Variants in RASEF observed in about 807,000 individuals in gnomAD.
RASEF encodes ras and EF-hand domain-containing protein.
A neutral mutation model predicts 90.1 loss-of-function variants in RASEF; 68 were observed. The ratio of observed to expected loss-of-function variants is 0.75; its 90% confidence interval spans 0.62 to 0.92. The LOEUF is 0.92. Ranked by LOEUF, RASEF falls within the 40% of genes least tolerant of loss-of-function variation. The probability of loss-of-function intolerance (pLI) is 0.00; values close to 1 mark genes in which losing one functional copy is unlikely to be tolerated. For synonymous variants in RASEF, 331 were observed against 345.2 expected (o/e 0.96, Z 0.46); for missense variants, 949 against 937.2 (o/e 1.01, Z -0.16).
intron 1 of RASEF, chr9:83,048,412 T>TA (rs1271540516): frequency 2.0e-6 from 2 of 985,192 alleles, no homozygotes; most frequent in African/African-American, 3.5e-5. Flanking sequence ...CTACTTTATA[T>TA]CCTCACTGAT....
At chr9:83,156,391 G>A in the RASEF span, among the ~76,000 whole-genome samples, 1 of 152,186 alleles carries the variant, frequency 6.6e-6, no homozygotes, top group Non-Finnish European at 1.5e-5. Flanking sequence ...TGTAATTGGA[G>A]TTCCAGTTCC....
At chr9:83,192,813 G>C in the RASEF span, among the ~76,000 whole-genome samples, 6 of 151,436 alleles carry the variant, frequency 4.0e-5, no homozygotes, top group Admixed American at 3.9e-4. Flanking sequence ...TCACAAGCGA[G>C]GAAAGCTAAT....
At chr9:83,016,305 T>C (rs1395995266) in intron 3 of RASEF, among the ~76,000 whole-genome samples, 1 of 152,016 alleles carries the variant, frequency 6.6e-6, no homozygotes, top group African/African-American at 2.4e-5. Flanking sequence ...CCCTTTTCCC[T>C]AGAGATGATG....
In RASEF at chr9:83,041,939, C is replaced by T. The variant is rs115844098; in HGVS notation, c.432-16018G>A. 1.6e-3 allele frequency among the ~76,000 whole-genome samples: 247 copies of T among 152,288 alleles called. 2 individuals are homozygous for T. The highest frequency in any genetic ancestry group is 5.7e-3 in the African/African-American group (238 of 41,566). ...ATCTGCCAACAGAGGCTGACCTCAA[C>T]CCCCAAGAAAAGTCAAGAAAAGAAA... On this transcript the variant is annotated intron_variant, in intron 1 of 16. Coordinates refer to ENST00000376447, the MANE Select transcript of RASEF (RefSeq NM_152573.4).
At chr9:83,089,256 A>G in the RASEF span, among the ~76,000 whole-genome samples, 1 of 151,764 alleles carries the variant, frequency 6.6e-6, no homozygotes, top group African/African-American at 2.4e-5. Context: ...TTCCCTTGAC[A>G]TATATTAATA....
intron 1 of RASEF, among the ~76,000 whole-genome samples, chr9:83,045,269 T>C (rs972304936): frequency 3.3e-5 from 5 of 152,236 alleles, no homozygotes; most frequent in Non-Finnish European, 7.3e-5. Flanking sequence ...ATCACTGCAC[T>C]TTCATTGGGG....
chr9:82,979,755 T>C lies in RASEF; in HGVS notation c.*2922A>G, dbSNP rs570070861. ...GCCCACACAATGAAAATGTAAACCA[T>C]ATAAATCAAAATCATAAAACAATTA... On this transcript the variant is annotated 3_prime_UTR_variant, in exon 17 of 17. Transcript: ENST00000376447. 14 of 152,238 alleles carry C rather than the reference T, an allele frequency of 9.2e-5. No individual in the cohort carries two copies. The highest frequency in any genetic ancestry group is 2.9e-4 in the African/African-American group (12 of 41,532). The allele number at this position is 152,238 out of a possible 1,614,324, so 9.4% of individuals were successfully genotyped here.
At chr9:83,167,552 T>C in the RASEF span, among the ~76,000 whole-genome samples, 3 of 152,254 alleles carry the variant, frequency 2.0e-5, no homozygotes, top group East Asian at 5.8e-4. Flanking sequence ...ACTCACTCAT[T>C]AAATGCATAC....
At chr9:82,996,572 C>G (rs552417571) in intron 14 of RASEF, among the ~76,000 whole-genome samples, 4 of 152,210 alleles carry the variant, frequency 2.6e-5, no homozygotes, top group Non-Finnish European at 5.9e-5. Flanking sequence ...GAAGAGAGCT[C>G]CCATACAATT....
chr9:83,040,355 TA>T (rs1587515718), intron 1 of RASEF, among the ~76,000 whole-genome samples: 1 of 152,220 alleles, frequency 6.6e-6, no homozygotes, highest in East Asian at 1.9e-4. Flanking sequence ...GGGGCATTTT[TA>T]ACAAAATATT....
In RASEF at chr9:82,980,291, C is replaced by T. The variant is rs1186500202; in HGVS notation, c.*2386G>A. ...TGTGCTTTAAATTTGAGAACACCTT[C>T]ATGAAATCAAAACGTTGGTAATAAT... On this transcript the variant is annotated 3_prime_UTR_variant, in exon 17 of 17. Coordinates refer to ENST00000376447, the MANE Select transcript of RASEF (RefSeq NM_152573.4). The T allele has an allele frequency of 6.6e-6, 1 of 152,156 alleles. No homozygotes were observed. The highest frequency in any genetic ancestry group is 2.4e-5 in the African/African-American group (1 of 41,436). 9.4% of individuals were successfully genotyped at this position (152,156 alleles called of 1,614,324 possible).
intron 1 of RASEF, chr9:83,048,577 T>C: frequency 2.0e-6 from 2 of 984,838 alleles, no homozygotes; most frequent in Non-Finnish European, 2.4e-6. Flanking sequence ...AATGAATGAA[T>C]GAATGAATGA....
rs1554706839 is a variant in RASEF at position 83,008,917 on chromosome 9, T to TATATAC, written c.959+723_959+724insGTATAT. ...ATATATATATATATATATATATATA[T>TATATAC]ATATATATATATATATATGACGTGG... is the stretch of plus-strand genomic sequence containing the variant. On this transcript the variant is annotated intron_variant, in intron 6 of 16. Coordinates refer to ENST00000376447, the MANE Select transcript of RASEF (RefSeq NM_152573.4). 2.1e-3 allele frequency among the ~76,000 whole-genome samples: 264 copies of TATATAC among 127,466 alleles called. 5 individuals carry two copies. Among genetic ancestry groups the TATATAC allele is most frequent in the African/African-American group, 7.1e-3 (246 of 34,836 alleles). 83.6% of individuals were successfully genotyped at this position (127,466 alleles called of 152,430 possible).
chr9:83,112,687 CAA>C, the RASEF span, among the ~76,000 whole-genome samples: 4 of 115,304 alleles, frequency 3.5e-5, no homozygotes, highest in Non-Finnish European at 3.7e-5. Context: ...AACTCGGTCT[CAA>C]AAAAAAAAAA....
At chr9:83,098,519 C>T in the RASEF span, among the ~76,000 whole-genome samples, 1 of 152,110 alleles carries the variant, frequency 6.6e-6, no homozygotes, top group Non-Finnish European at 1.5e-5. Flanking sequence ...ATTTATCTCC[C>T]TAATATCATT....
intron 1 of RASEF, among the ~76,000 whole-genome samples, chr9:83,030,187 T>C (rs760061348): frequency 3.3e-5 from 5 of 152,058 alleles, no homozygotes; most frequent in African/African-American, 7.2e-5. Flanking sequence ...TGAAACCCTA[T>C]CTCTACTAAA....
intron 1 of RASEF, among the ~76,000 whole-genome samples, chr9:83,060,576 A>G (rs897488868): frequency 2.6e-5 from 4 of 152,356 alleles, no homozygotes; most frequent in African/African-American, 4.8e-5. Context: ...ATTTGGCTGA[A>G]ATAATGCCGA....
the RASEF span, among the ~76,000 whole-genome samples, chr9:83,090,482 C>A: frequency 1.2e-4 from 18 of 151,982 alleles, no homozygotes; most frequent in South Asian, 4.2e-4. Flanking sequence ...TGGCTCACAG[C>A]AACCTCCACC....
At chr9:83,092,360 TG>T in the RASEF span, among the ~76,000 whole-genome samples, 9 of 152,060 alleles carry the variant, frequency 5.9e-5, no homozygotes, top group African/African-American at 1.9e-4. Flanking sequence ...GCTCTTAAGG[TG>T]GCGCATCTGG....
Sources: allele counts gnomAD v4.1 joint callset (sites outside exome capture counted in the v4.1 genomes callset), GRCh38; gene constraint gnomAD v4.1.1; transcripts MANE v1.5; gene names NCBI Gene and HGNC (gene_info 2026-07-23, HGNC 2026-07-21).